EPHA7: variants seen among roughly 807,000 people sequenced by gnomAD.
The protein encoded by EPHA7 is EPH receptor A7, also known as ephrin type-A receptor 7.
A neutral mutation model predicts 112.6 loss-of-function variants in EPHA7; 25 were observed. The ratio of observed to expected loss-of-function variants is 0.22; its 90% CI spans 0.16 to 0.31. EPHA7 has a LOEUF of 0.31. EPHA7 is among the 10% of genes least tolerant of loss of function. The pLI is 1.00. For synonymous variants in EPHA7, 437 were observed against 406.5 expected (o/e 1.07, Z -0.90); for missense variants, 962 against 1,212.6 (o/e 0.79, Z 3.07).
intron 5 of EPHA7, among the ~76,000 whole-genome samples, chr6:93,342,647 A>C (rs536434824): frequency 1.3e-5 from 2 of 151,934 alleles, no homozygotes; most frequent in South Asian, 4.2e-4. Flanking sequence ...CTTTATTGCC[A>C]GTACATTTAT....
chr6:93,357,134 T>A, intron 4 of EPHA7, 82 bp from the exon 5 acceptor site: 1 of 1,130,546 alleles, frequency 8.8e-7, no homozygotes, highest in Non-Finnish European at 1.2e-6. Flanking sequence ...AGGATCTGTG[T>A]GGGGCATTAA....
rs1280509171 is a variant in EPHA7 at position 93,351,713 on chromosome 6, CA to C, written c.1324+5003del. On this transcript the variant is annotated intron_variant, in intron 5 of 16. Transcript: ENST00000369303. ...GTTGCCTATGGGGAAAATATGAGGC[CA>C]AAAAAGGTGACTCAACTTTGACACT... 9.9e-5 allele frequency among the ~76,000 whole-genome samples: 15 copies of C among 151,718 alleles called. No individual in the cohort carries two copies. In the East Asian group the frequency reaches 2.9e-3, roughly 30 times the overall value.
intron 5 of EPHA7, among the ~76,000 whole-genome samples, chr6:93,307,145 T>A (rs1431496566): frequency 3.3e-5 from 5 of 152,078 alleles, no homozygotes; most frequent in African/African-American, 1.2e-4. Context: ...TAAAGAATAT[T>A]TAAATAATGA....
intron 5 of EPHA7, among the ~76,000 whole-genome samples, chr6:93,309,749 C>CA (rs1208242889): frequency 6.6e-6 from 1 of 151,880 alleles, no homozygotes; most frequent in Non-Finnish European, 1.5e-5. Flanking sequence ...ATGTGAAGAA[C>CA]AAAATGAATA....
intron 3 of EPHA7, among the ~76,000 whole-genome samples, chr6:93,389,065 T>C (rs1229067388): frequency 5.9e-5 from 9 of 152,010 alleles, no homozygotes; most frequent in African/African-American, 1.7e-4. Flanking sequence ...GTACAGAAAT[T>C]GACAGAATAG....
intron 8 of EPHA7, 71 bp downstream of exon 8, chr6:93,264,519 CTAAG>C (rs1770836381): frequency 4.6e-6 from 4 of 877,352 alleles, no homozygotes; most frequent in South Asian, 1.8e-5. Flanking sequence ...TTTTATTACA[CTAAG>C]TAATAGGCTG....
intron 5 of EPHA7, among the ~76,000 whole-genome samples, chr6:93,300,238 CAT>C (rs1309302173): frequency 1.3e-5 from 2 of 152,142 alleles, no homozygotes; most frequent in African/African-American, 4.8e-5. Context: ...GTACTACAAT[CAT>C]AGAACAGGAT....
intron 5 of EPHA7, among the ~76,000 whole-genome samples, chr6:93,342,012 A>G (rs1775163054): frequency 6.6e-6 from 1 of 151,766 alleles, no homozygotes; most frequent in Non-Finnish European, 1.5e-5. Context: ...TCAAGCACAC[A>G]TAATTCTGAA....
At chr6:93,381,734 T>TC (rs1263277992) in intron 3 of EPHA7, among the ~76,000 whole-genome samples, 2 of 151,506 alleles carry the variant, frequency 1.3e-5, no homozygotes, top group African/African-American at 2.4e-5. Context: ...TTTATTTCTT[T>TC]TTTTTTTCTT....
chr6:93,392,333 TA>T (rs1777949328), intron 3 of EPHA7, among the ~76,000 whole-genome samples: 1 of 151,918 alleles, frequency 6.6e-6, no homozygotes, highest in Non-Finnish European at 1.5e-5. Flanking sequence ...AAGGGATGGT[TA>T]CCTTTTCAGT....
chr6:93,389,431 T>C (rs1253701333), intron 3 of EPHA7, among the ~76,000 whole-genome samples: 1 of 152,078 alleles, frequency 6.6e-6, no homozygotes, highest in Admixed American at 6.6e-5. Context: ...TGGTGGGTTC[T>C]GGACTGGCAC....
intron 5 of EPHA7, among the ~76,000 whole-genome samples, chr6:93,323,930 C>T (rs1774192812): frequency 6.6e-6 from 1 of 151,370 alleles, no homozygotes; most frequent in African/African-American, 2.4e-5. Context: ...TCCAGGAGAC[C>T]CTCCATTACA....
At chr6:93,366,927 C>A (rs1311151573) in intron 3 of EPHA7, among the ~76,000 whole-genome samples, 1 of 150,650 alleles carries the variant, frequency 6.6e-6, no homozygotes, top group African/African-American at 2.4e-5. Flanking sequence ...GAGAGTTCAC[C>A]CCATAGATTA....
At chr6:93,354,798 C>A (rs769210744) in intron 5 of EPHA7, among the ~76,000 whole-genome samples, 16 of 151,944 alleles carry the variant, frequency 1.1e-4, no homozygotes, top group Non-Finnish European at 2.2e-4. Context: ...AGAAATCAAA[C>A]AATAGACATT....
At chr6:93,293,265 ACAAT>A (rs1373945271) in intron 5 of EPHA7, among the ~76,000 whole-genome samples, 2 of 151,972 alleles carry the variant, frequency 1.3e-5, no homozygotes, top group Non-Finnish European at 2.9e-5. Context: ...AAAATTTAAA[ACAAT>A]CAAATTTTAG....
intron 5 of EPHA7, among the ~76,000 whole-genome samples, chr6:93,282,807 G>A (rs546577268): frequency 6.6e-6 from 1 of 152,228 alleles, no homozygotes; most frequent in Admixed American, 6.5e-5. Context: ...TGCTGTGGTC[G>A]ATTTCTCCCC....
chr6:93,396,975 T>G lies in EPHA7; in HGVS notation c.832+13526A>C, dbSNP rs558249759. On this transcript the variant is annotated intron_variant, in intron 3 of 16. Coordinates refer to ENST00000369303, the MANE Select transcript of EPHA7 (RefSeq NM_004440.4). ...TCTATTAATGAGCTTAATTAAAATA[T>G]TCTGAATATTCTGAATATTATTTTT... is the stretch of plus-strand genomic sequence containing the variant. Among the ~76,000 whole-genome samples, 3 of 151,864 alleles carry G rather than the reference T, an allele frequency of 2.0e-5. No individual in the cohort carries two copies. The South Asian group carries it at 6.2e-4, about 32-fold the overall frequency.
At chr6:93,395,607 ACACAC>A (rs1383445907) in intron 3 of EPHA7, among the ~76,000 whole-genome samples, 1 of 151,420 alleles carries the variant, frequency 6.6e-6, no homozygotes, top group Non-Finnish European at 1.5e-5. Context: ...ACACACACAC[ACACAC>A]ATCTGTCCGT....
intron 5 of EPHA7, among the ~76,000 whole-genome samples, chr6:93,313,885 A>G (rs1206619391): frequency 6.6e-6 from 1 of 152,140 alleles, no homozygotes; most frequent in African/African-American, 2.4e-5. Flanking sequence ...GCCTAGTACT[A>G]ACTGGTAGAC....
Sources: gnomAD v4.1 joint callset for allele counts (sites outside exome capture counted in the v4.1 genomes callset) on GRCh38, gnomAD v4.1.1 for gene constraint, MANE v1.5 for transcripts, NCBI Gene and HGNC (gene_info 2026-07-23, HGNC 2026-07-21) for gene names.